Variants in BLOC1S5 observed in about 807,000 individuals in gnomAD.
BLOC1S5 encodes the protein biogenesis of lysosomal organelles complex 1 subunit 5, also known as biogenesis of lysosome-related organelles complex 1 subunit 5.
BLOC1S5 carries 27 observed loss-of-function variants against 24.3 expected under a neutral mutation model. The observed-to-expected ratio is 1.11, with a 90% CI of 0.82 to 1.53. The LOEUF is 1.53. Ranked by LOEUF, BLOC1S5 falls within the 40% of genes most tolerant of loss-of-function variation. The probability of loss-of-function intolerance (pLI) is 0.00; values close to 1 mark genes in which losing one functional copy is unlikely to be tolerated. For synonymous variants in BLOC1S5, 84 were observed against 74.5 expected (o/e 1.13, Z -0.66); for missense variants, 239 against 229.4 (o/e 1.04, Z -0.27).
chr6:8,035,317 A>T (rs1763448305), intron 3 of BLOC1S5, among the ~76,000 whole-genome samples: 2 of 150,556 alleles, frequency 1.3e-5, no homozygotes, highest in African/African-American at 4.9e-5. Context: ...CCAAAAGCCT[A>T]TTAAAATTTT....
intron 2 of BLOC1S5, among the ~76,000 whole-genome samples, chr6:8,045,293 G>A (rs1763841319): frequency 6.6e-6 from 1 of 152,236 alleles, no homozygotes; most frequent in South Asian, 2.1e-4. Context: ...AAGAATGGAG[G>A]TTTGGGAACC....
At chr6:8,017,772 T>G (rs1170116716) in intron 4 of BLOC1S5, 1 of 152,250 alleles carries the variant, frequency 6.6e-6, no homozygotes, top group Non-Finnish European at 1.5e-5. Flanking sequence ...ACTTTTATCC[T>G]CCATGGTCAC....
chr6:8,041,708 GCT>G (rs1369128940), intron 2 of BLOC1S5: 1 of 144,496 alleles, frequency 6.9e-6, no homozygotes, highest in Non-Finnish European at 1.5e-5. Flanking sequence ...GTGCGGTGGC[GCT>G]CTCTCTGCTC....
chr6:8,059,785 C>T lies in BLOC1S5; in HGVS notation c.195+2749G>A, dbSNP rs577905734. 3.3e-5 allele frequency among the ~76,000 whole-genome samples: 5 copies of T among 152,306 alleles called. No homozygotes were observed. In the South Asian group the frequency reaches 6.2e-4, roughly 19 times the overall value. ...GAAGACCAATTGGTCTTGTGTTGGTCACTGTGTGAAAAGACTGGATCAAGT... is the reference window on the plus strand; with the variant it reads ...GAAGACCAATTGGTCTTGTGTTGGTTACTGTGTGAAAAGACTGGATCAAGT... On this transcript the variant is annotated intron_variant, in intron 2 of 4. Coordinates refer to ENST00000397457, the MANE Select transcript of BLOC1S5 (RefSeq NM_201280.3).
intron 3 of BLOC1S5, among the ~76,000 whole-genome samples, chr6:8,028,378 C>T: frequency 7.2e-6 from 1 of 138,426 alleles, no homozygotes; most frequent in Non-Finnish European, 1.6e-5. Context: ...AAAAAAAAAA[C>T]AGGAGTTGAT....
intron 2 of BLOC1S5, chr6:8,054,148 A>T: frequency 2.7e-6 from 1 of 364,590 alleles, no homozygotes. Context: ...TTAGGTGATA[A>T]TCTTCTCTTT....
At chr6:8,027,433 T>C (rs1763145772) in intron 3 of BLOC1S5, 1 of 456,654 alleles carries the variant, frequency 2.2e-6, no homozygotes, top group African/African-American at 2.0e-5. Context: ...ATAACAGGGC[T>C]TCAGAAGTGA....
intron 3 of BLOC1S5, among the ~76,000 whole-genome samples, chr6:8,031,168 C>G (rs572266072): frequency 6.6e-6 from 1 of 152,092 alleles, no homozygotes; most frequent in Non-Finnish European, 1.5e-5. Context: ...GCATCCAAAT[C>G]GGTAAAGAGG....
At chr6:8,027,767 G>A (rs1401843045) in intron 3 of BLOC1S5, among the ~76,000 whole-genome samples, 3 of 149,280 alleles carry the variant, frequency 2.0e-5, no homozygotes, top group Non-Finnish European at 4.4e-5. Context: ...CTGGTGCAGT[G>A]AGCCAAGATC....
chr6:8,032,465 T>G (rs1763335250), intron 3 of BLOC1S5, among the ~76,000 whole-genome samples: 1 of 152,158 alleles, frequency 6.6e-6, no homozygotes, highest in East Asian at 1.9e-4. Flanking sequence ...AAAAAATTGA[T>G]GGAATGTATC....
intron 3 of BLOC1S5, among the ~76,000 whole-genome samples, chr6:8,034,823 A>C (rs1763430808): frequency 6.6e-6 from 1 of 152,174 alleles, no homozygotes; most frequent in Non-Finnish European, 1.5e-5. Flanking sequence ...TCATTATATG[A>C]AAAAGACACT....
intron 3 of BLOC1S5, among the ~76,000 whole-genome samples, chr6:8,029,808 T>C (rs148775153): frequency 0.013 from 1,997 of 152,324 alleles, 30 homozygotes; most frequent in African/African-American, 0.034. Flanking sequence ...TGCAGTCTAG[T>C]GCTGAAAAGA....
chr6:8,026,842 TTTCTC>T (rs1394498862), intron 3 of BLOC1S5, among the ~76,000 whole-genome samples: 1 of 152,226 alleles, frequency 6.6e-6, no homozygotes, highest in African/African-American at 2.4e-5. Context: ...CATTAAGTCA[TTTCTC>T]TTTCTTAAGA....
chr6:8,041,063 T>A lies in BLOC1S5; in HGVS notation c.325+76A>T, dbSNP rs962295338. The A allele has an allele frequency of 4.0e-6, 6 of 1,487,420 alleles. No homozygotes were observed. The African/African-American group carries it at 8.5e-5, about 21-fold the overall frequency. 92.1% of individuals were successfully genotyped at this position (1,487,420 alleles called of 1,614,324 possible). On this transcript the variant is annotated intron_variant, in intron 3 of 4. Coordinates refer to ENST00000397457, the MANE Select transcript of BLOC1S5 (RefSeq NM_201280.3). ...CCCTCTCCCTCTCCACCTCCCCCCA[T>A]AATACCCAAGAAAATACATTTTGGT...
chr6:8,051,959 A>G (rs1249830815), intron 2 of BLOC1S5, among the ~76,000 whole-genome samples: 2 of 149,882 alleles, frequency 1.3e-5, no homozygotes, highest in East Asian at 4.0e-4. Context: ...TGCTGATAGA[A>G]CATCCATGCC....
At chr6:8,031,926 A>C (rs1362385120) in intron 3 of BLOC1S5, among the ~76,000 whole-genome samples, 1 of 152,202 alleles carries the variant, frequency 6.6e-6, no homozygotes, top group Non-Finnish European at 1.5e-5. Flanking sequence ...ATGTAGAAGA[A>C]TGAAACTGGA....
intron 3 of BLOC1S5, among the ~76,000 whole-genome samples, chr6:8,033,047 A>G (rs973998848): frequency 4.6e-5 from 7 of 152,208 alleles, no homozygotes; most frequent in African/African-American, 1.7e-4. Flanking sequence ...AAATGGCCAT[A>G]CTGCCCAAGG....
At chr6:8,043,259 A>G (rs145152064) in intron 2 of BLOC1S5, among the ~76,000 whole-genome samples, 10 of 152,328 alleles carry the variant, frequency 6.6e-5, no homozygotes, top group Non-Finnish European at 1.3e-4. Context: ...GGGAAAGGGA[A>G]AAATATTAAC....
At chr6:8,019,509 T>C (rs1268533193) in intron 4 of BLOC1S5, among the ~76,000 whole-genome samples, 2 of 148,222 alleles carry the variant, frequency 1.3e-5, no homozygotes, top group Admixed American at 6.7e-5. Context: ...CCTCAGGTGA[T>C]CCGCCCACCT....
Sources: allele counts gnomAD v4.1 joint callset (sites outside exome capture counted in the v4.1 genomes callset), GRCh38; gene constraint gnomAD v4.1.1; transcripts MANE v1.5; gene names NCBI Gene and HGNC (gene_info 2026-07-23, HGNC 2026-07-21).